The following EPHA2 variants were observed in gnomAD, a reference collection of about 807,000 sequenced individuals.
EPHA2 encodes the protein EPH receptor A2, also known as ephrin type-A receptor 2.
In EPHA2, 54 loss-of-function variants were observed where a neutral mutation model predicts 104.9. The observed-to-expected ratio is 0.51, with a 90% CI of 0.41 to 0.65. EPHA2 has a LOEUF of 0.65. Among genes scored for constraint, EPHA2 ranks in the 30% least tolerant of loss-of-function variants. The pLI is 0.00. For synonymous variants in EPHA2, 560 were observed against 559.1 expected (o/e 1.00, Z -0.02); for missense variants, 1,117 against 1,369.5 (o/e 0.82, Z 2.91).
At chr1:16,126,503 C>T (rs3820610) in intron 16 of EPHA2, among the ~76,000 whole-genome samples, 81,945 of 152,074 alleles carry the variant, frequency 0.54, 25,164 homozygotes, top group East Asian at 0.73. Context: ...CCAGGACCTC[C>T]CGCAGAGGCT....
At chr1:16,126,540 G>A (rs544320418) in intron 16 of EPHA2, among the ~76,000 whole-genome samples, 3 of 152,334 alleles carry the variant, frequency 2.0e-5, no homozygotes, top group East Asian at 3.9e-4. Context: ...CAGGAAGGCC[G>A]AGACATTTGG....
chr1:16,131,798 C>T lies in EPHA2; in HGVS notation c.2398G>A (p.Val800Met), dbSNP rs868194619. The T allele has an allele frequency of 1.2e-5, 20 of 1,614,000 alleles. No individual in the cohort carries two copies. Among genetic ancestry groups the T allele is most frequent in the South Asian group, 8.8e-5 (8 of 91,084 alleles). Residue 800 changes from valine to methionine, a missense_variant, in exon 14 of 17, where the codon GTG becomes ATG. This residue lies in a region of EPHA2 where 340 missense variants were observed against 480.5 expected (regional missense o/e 0.71). Coordinates refer to ENST00000358432, the MANE Select transcript of EPHA2 (RefSeq NM_004431.5). The surrounding 1 kb of genome is among the most constrained non-coding windows in gnomAD (Gnocchi z 5.2). ...CACATGACAATGCCAAAGCTCCACA[C>T]GTCGCTGGCAGAGGTGAACTTCCGG... ...SYRKFTSASDVWSFGIVMWEV... is the reference protein window; with the variant it reads ...SYRKFTSASDMWSFGIVMWEV...
chr1:16,136,909 C>T (rs1215851172), intron 5 of EPHA2, among the ~76,000 whole-genome samples: 1 of 151,568 alleles, frequency 6.6e-6, no homozygotes, highest in Non-Finnish European at 1.5e-5. Flanking sequence ...AGCGATTCTC[C>T]TGCCTCAGCC....
chr1:16,139,145 C>A (rs2024776339), intron 3 of EPHA2, among the ~76,000 whole-genome samples: 1 of 152,192 alleles, frequency 6.6e-6, no homozygotes, highest in African/African-American at 2.4e-5. Context: ...CCTGGCCCAG[C>A]AGGCTGGGGG....
chr1:16,138,395 C>T lies in EPHA2; in HGVS notation c.859G>A (p.Glu287Lys), dbSNP rs201837559. The change falls in exon 4 of 17, where the codon GAG becomes AAG. Residue 287 changes from glutamate (E) to lysine (K), a missense_variant. By Grantham distance (56) the Glu-to-Lys change is moderately conservative (BLOSUM62 1). Around this residue, in one of 3 missense-constraint regions of EPHA2, gnomAD observed 664 missense variants for 784.8 expected, o/e 0.85. Transcript: ENST00000358432. ...SPGFFKFEAS[E>K]SPCLECPEHT... ...TCAGGGCACTCCAAGCAGGGGCTCT[C>T]AGATGCCTCAAACTTAAAAAATCCA... 26 of 1,613,810 alleles carry T rather than the reference C, an allele frequency of 1.6e-5. No homozygotes were observed. Among genetic ancestry groups the T allele is most frequent in the Non-Finnish European group, 1.9e-5 (23 of 1,180,006 alleles).
At chr1:16,151,591 C>T (rs1372835310) in intron 1 of EPHA2, among the ~76,000 whole-genome samples, 1 of 152,102 alleles carries the variant, frequency 6.6e-6, no homozygotes, top group Non-Finnish European at 1.5e-5. Context: ...ATCTGGAAAC[C>T]GATCTTCTCA....
chr1:16,128,408 T>C lies in EPHA2; in HGVS notation c.2825+1026A>G, dbSNP rs2024507998. The stretch of plus-strand genomic sequence containing the variant: ...GAGGCTATGGCCTTGGCCAGCAGGT[T>C]GGGAGCCCAGCTGAGCAATTTCCAA... On this transcript the variant is annotated intron_variant, in intron 16 of 16. Coordinates refer to ENST00000358432, the MANE Select transcript of EPHA2 (RefSeq NM_004431.5). The surrounding 1 kb of genome is among the most constrained non-coding windows in gnomAD (Gnocchi z 4.7). 6.6e-6 allele frequency among the ~76,000 whole-genome samples: 1 copy of C among 152,174 alleles called. No individual in the cohort carries two copies. The highest frequency in any genetic ancestry group is 1.9e-4 in the East Asian group (1 of 5,190).
chr1:16,129,699 T>C (rs2124193837), intron 15 of EPHA2, 110 bp from the exon 16 acceptor site: 2 of 1,396,282 alleles, frequency 1.4e-6, no homozygotes, highest in East Asian at 5.0e-5. Context: ...CGTGCCTCCG[T>C]CTCCTTATCT....
rs1021638836 is a variant in EPHA2, at chr1:16,124,401, A to T, written c.*814T>A. 7.2e-5 allele frequency: 11 copies of T among 152,014 alleles called. No homozygotes were observed. Among genetic ancestry groups the T allele is most frequent in the South Asian group, 2.1e-4 (1 of 4,828 alleles). The allele number at this position is 152,014 out of a possible 1,614,324, so 9.4% of individuals were successfully genotyped here. A position where few individuals can be genotyped will look rare whatever the true frequency, so the allele number is the denominator to read the frequency against. On this transcript the variant is annotated 3_prime_UTR_variant, in exon 17 of 17. Coordinates refer to ENST00000358432, the MANE Select transcript of EPHA2 (RefSeq NM_004431.5). ...TAAGTCATTTTCTAACAATAAATAT[A>T]AAAAAAATAATAAATTAAGATTCGA...
At position 16,148,415 on chromosome 1, in the gene EPHA2, G is replaced by A. The variant is rs1163025802; in HGVS notation, c.786C>T (p.Cys262=). 1 of 1,613,518 alleles carries A rather than the reference G, an allele frequency of 6.2e-7. No individual in the cohort carries two copies. The highest frequency in any genetic ancestry group is 2.2e-5 in the East Asian group (1 of 44,880). ...EWLVPIGQCL[C]QAGYEKVEDA... ...CCTCCACCTTCTCGTAGCCTGCCTG[G>A]CACAGGCACTGCCCAATGGGCACCA... The change falls in exon 3 of 17, where the codon TGC becomes TGT. Residue 262 remains cysteine (C), a synonymous_variant. Coordinates refer to ENST00000358432, the MANE Select transcript of EPHA2 (RefSeq NM_004431.5). This position sits in a 1 kb window ranked among gnomAD's most constrained non-coding sequence, Gnocchi z 4.9.
chr1:16,145,202 G>A lies in EPHA2; in HGVS notation c.823+3176C>T, dbSNP rs78522527. Among the ~76,000 whole-genome samples the A allele has an allele frequency of 6.6e-3, 1,007 of 152,338 alleles. 12 individuals carry two copies. The highest frequency in any genetic ancestry group is 0.022 in the African/African-American group (912 of 41,584). On this transcript the variant is annotated intron_variant, in intron 3 of 16. Transcript: ENST00000358432. ...AGCTGCTGAGGCCAGCACAGGAAGCGGAGACATGGAGACAAAGCAGCCCCC... is the reference window on the plus strand; with the variant it reads ...AGCTGCTGAGGCCAGCACAGGAAGCAGAGACATGGAGACAAAGCAGCCCCC...
chr1:16,155,938 G>A lies in EPHA2; in HGVS notation c.-6C>T, dbSNP rs2025159499. The stretch of plus-strand genomic sequence containing the variant: ...CGGGCTGCCTGGAGCTCCATGCCGC[G>A]CTTCTCGCTCTCGGTCCGATCCCCC... On this transcript the variant is annotated 5_prime_UTR_variant, in exon 1 of 17. Transcript: ENST00000358432. The A allele has an allele frequency of 6.7e-7, 1 of 1,489,354 alleles. No homozygotes were observed. Among genetic ancestry groups the A allele is most frequent in the Non-Finnish European group, 8.9e-7 (1 of 1,127,256 alleles). The allele number at this position is 1,489,354 out of a possible 1,614,324, so 92.3% of individuals were successfully genotyped here. A position where few individuals can be genotyped will look rare whatever the true frequency, so the allele number is the denominator to read the frequency against.
chr1:16,149,790 C>T (rs2025002714), intron 2 of EPHA2, among the ~76,000 whole-genome samples: 1 of 152,250 alleles, frequency 6.6e-6, no homozygotes, highest in Non-Finnish European at 1.5e-5. Context: ...TGGGCTCCCA[C>T]ATGAGATTCT....
intron 5 of EPHA2, among the ~76,000 whole-genome samples, chr1:16,137,146 C>T (rs1341364129): frequency 2.0e-5 from 3 of 152,030 alleles, no homozygotes; most frequent in South Asian, 2.1e-4. Context: ...ACATTGAGGC[C>T]CAGAGAGGTT....
chr1:16,148,988 G>T lies in EPHA2; in HGVS notation c.213C>A (p.Asn71Lys), dbSNP rs756546009. Residue 71 changes from asparagine to lysine, a missense_variant, in exon 3 of 17, where the codon AAC becomes AAA. Transcript: ENST00000358432. This position sits in a 1 kb window ranked among gnomAD's most constrained non-coding sequence, Gnocchi z 4.9. ...DMPIYMYSVC[N>K]VMSGDQDNWL... ...AGTTGTCCTGGTCGCCAGACATCAC[G>T]TTGCACACGGAGTACATGTAGATCG... The T allele has an allele frequency of 8.1e-6, 13 of 1,614,108 alleles. No individual in the cohort carries two copies. The highest frequency in any genetic ancestry group is 1.1e-5 in the Non-Finnish European group (13 of 1,180,048).
chr1:16,151,002 T>A (rs199886996), intron 1 of EPHA2, 39 bp from the exon 2 acceptor site: 5 of 1,603,708 alleles, frequency 3.1e-6, no homozygotes, highest in Admixed American at 1.7e-5. Context: ...CCTGGGGGTG[T>A]CTTCAGGAGT....
At chr1:16,132,467 G>A (rs2124202258) in intron 11 of EPHA2, 28 bp from the exon 12 acceptor site, 1 of 1,612,872 alleles carries the variant, frequency 6.2e-7, no homozygotes, top group Non-Finnish European at 8.5e-7. Flanking sequence ...CAGGTGAGAG[G>A]TAAGTGGGCC....
rs961666941 is a variant in EPHA2 at position 16,134,407 on chromosome 1, G to A, written c.1682+61C>T. ...CCCATCGTTCAGATGAGGAAATGGA[G>A]GTTCCTGCCCCATTTTCCCACCCAA... is the stretch of plus-strand genomic sequence containing the variant. On this transcript the variant is annotated intron_variant, in intron 8 of 16. Transcript: ENST00000358432. This position sits in a 1 kb window ranked among gnomAD's most constrained non-coding sequence, Gnocchi z 4.5. The A allele has an allele frequency of 1.7e-5, 26 of 1,549,182 alleles. No individual in the cohort carries two copies. In the African/African-American group the frequency reaches 2.7e-4, roughly 16 times the overall value.
At position 16,128,662 on chromosome 1, in the gene EPHA2, G is replaced by C. The variant is rs1321451005; in HGVS notation, c.2825+772C>G. ...GGGTCTCCCCCTTCCTGGGACAGGA[G>C]GAGGTGTCTGTGCCAAGGCCATGCC... On this transcript the variant is annotated intron_variant, in intron 16 of 16. Coordinates refer to ENST00000358432, the MANE Select transcript of EPHA2 (RefSeq NM_004431.5). The surrounding 1 kb of genome is among the most constrained non-coding windows in gnomAD (Gnocchi z 4.7). 1.3e-5 allele frequency among the ~76,000 whole-genome samples: 2 copies of C among 152,234 alleles called. No individual in the cohort carries two copies.
Sources: allele counts gnomAD v4.1 joint callset (sites outside exome capture counted in the v4.1 genomes callset), GRCh38; gene constraint gnomAD v4.1.1; regional missense constraint gnomAD v4.1.1; non-coding constraint Gnocchi (gnomAD v3.1); transcripts MANE v1.5; gene names NCBI Gene and HGNC (gene_info 2026-07-23, HGNC 2026-07-21).